Variants in MYT1L observed in about 807,000 individuals in gnomAD.
MYT1L encodes myelin transcription factor 1-like protein.
Under a neutral mutation model 126.7 loss-of-function variants are expected in MYT1L, and 12 were observed. The observed-to-expected ratio is 0.09, with a 90% CI of 0.06 to 0.15. MYT1L has a LOEUF of 0.15. Ranked by LOEUF, MYT1L falls within the 10% of genes least tolerant of loss-of-function variation. The pLI is 1.00. For synonymous variants in MYT1L, 541 were observed against 604.2 expected (o/e 0.90, Z 1.53); for missense variants, 979 against 1,585.2 (o/e 0.62, Z 6.49).
rs186088391 is a variant in MYT1L at position 1,847,388 on chromosome 2, A to G, written c.2774+4253T>C. Among the ~76,000 whole-genome samples, 3 of 152,260 alleles carry G rather than the reference A, an allele frequency of 2.0e-5. No homozygotes were observed. In the East Asian group the frequency reaches 5.8e-4, roughly 29 times the overall value. The stretch of plus-strand genomic sequence containing the variant: ...TTCCTGGAGCATCATCATTTGTGGA[A>G]AATGTGGACTTGACTTCTGCATTGG... On this transcript the variant is annotated intron_variant, in intron 19 of 24. Coordinates refer to ENST00000647738, the MANE Select transcript of MYT1L (RefSeq NM_001303052.2).
At chr2:1,931,897 T>A (rs904040277) in intron 9 of MYT1L, among the ~76,000 whole-genome samples, 9 of 152,250 alleles carry the variant, frequency 5.9e-5, no homozygotes, top group African/African-American at 2.2e-4. Flanking sequence ...CTCACTCCTG[T>A]CCACGCCCTC....
intron 8 of MYT1L, among the ~76,000 whole-genome samples, chr2:1,952,840 A>C (rs552073856): frequency 0.042 from 1,289 of 30,788 alleles, 53 homozygotes; most frequent in African/African-American, 0.045. Context: ...TCCTTCCCTT[A>C]CCTTTGCCTT....
At chr2:1,931,663 C>G (rs1337107778) in intron 9 of MYT1L, among the ~76,000 whole-genome samples, 1 of 152,116 alleles carries the variant, frequency 6.6e-6, no homozygotes, top group Non-Finnish European at 1.5e-5. Context: ...GTGTGTTGTT[C>G]TCTGTATGGT....
At chr2:2,237,196 C>T (rs1002041956) in intron 2 of MYT1L, among the ~76,000 whole-genome samples, 1 of 152,072 alleles carries the variant, frequency 6.6e-6, no homozygotes, top group Non-Finnish European at 1.5e-5. Flanking sequence ...TTTCTGGATC[C>T]CTCTTTGTTC....
chr2:2,027,878 A>T (rs2065815148), intron 4 of MYT1L, among the ~76,000 whole-genome samples: 1 of 152,220 alleles, frequency 6.6e-6, no homozygotes, highest in Non-Finnish European at 1.5e-5. Flanking sequence ...AAAGCTCATT[A>T]TACATGGCAG....
rs929801514 is a variant in MYT1L, at chr2:1,912,245, C to A, written c.1619-135G>T. 1 of 529,218 alleles carries A rather than the reference C, an allele frequency of 1.9e-6. No individual in the cohort carries two copies. The highest frequency in any genetic ancestry group is 3.3e-6 in the Non-Finnish European group (1 of 301,626). 32.8% of individuals were successfully genotyped at this position (529,218 alleles called of 1,614,324 possible). Reference sequence around the variant, plus strand: ...CTACAAACGTTTGTGATGGGCATGGCCAGGAAAACACACATGGGAGGAGAA... The same window carrying A: ...CTACAAACGTTTGTGATGGGCATGGACAGGAAAACACACATGGGAGGAGAA... On this transcript the variant is annotated intron_variant, in intron 11 of 24. Transcript: ENST00000647738. This position sits in a 1 kb window ranked among gnomAD's most constrained non-coding sequence, Gnocchi z 4.3.
At chr2:1,950,571 G>C (rs931898716) in intron 8 of MYT1L, among the ~76,000 whole-genome samples, 1 of 152,070 alleles carries the variant, frequency 6.6e-6, no homozygotes, top group African/African-American at 2.4e-5. Context: ...TGCCAGAGAG[G>C]ACAGAGGAGG....
intron 2 of MYT1L, among the ~76,000 whole-genome samples, chr2:2,269,738 T>C (rs964328524): frequency 1.3e-5 from 2 of 152,148 alleles, no homozygotes; most frequent in Admixed American, 6.6e-5. Flanking sequence ...TTGCTTAACA[T>C]CTTGACCCTT....
chr2:1,822,455 C>T (rs908650840), intron 21 of MYT1L, among the ~76,000 whole-genome samples: 1 of 152,180 alleles, frequency 6.6e-6, no homozygotes, highest in Non-Finnish European at 1.5e-5. Flanking sequence ...TCCTGGAGAG[C>T]GCAGGGTGTG....
chr2:2,320,502 C>T (rs1248843775), intron 1 of MYT1L, among the ~76,000 whole-genome samples: 1 of 150,148 alleles, frequency 6.7e-6, no homozygotes, highest in African/African-American at 2.5e-5. Context: ...AAAAAAAAAG[C>T]CAGCAAAGAA....
chr2:2,188,297 A>G (rs186176511), intron 2 of MYT1L, among the ~76,000 whole-genome samples: 12 of 152,354 alleles, frequency 7.9e-5, no homozygotes, highest in Non-Finnish European at 1.5e-4. Flanking sequence ...AGAATTCTAA[A>G]AACGATTCTG....
intron 18 of MYT1L, 112 bp from the exon 19 acceptor site, chr2:1,851,815 T>A: frequency 9.9e-7 from 1 of 1,012,766 alleles, no homozygotes; most frequent in Non-Finnish European, 1.5e-6. Flanking sequence ...ACTTCCTACT[T>A]GAAAGAGGCT....
chr2:2,045,097 T>A (rs2068016734), intron 4 of MYT1L, among the ~76,000 whole-genome samples: 1 of 152,166 alleles, frequency 6.6e-6, no homozygotes, highest in Non-Finnish European at 1.5e-5. Flanking sequence ...GCCCCCACAC[T>A]GAAGGAATGA....
chr2:2,260,215 T>C (rs959771200), intron 2 of MYT1L, among the ~76,000 whole-genome samples: 5 of 152,228 alleles, frequency 3.3e-5, no homozygotes, highest in African/African-American at 7.2e-5. Flanking sequence ...TGAAAAATTA[T>C]TGGCTAACAC....
At chr2:2,235,429 T>A (rs1162020761) in intron 2 of MYT1L, among the ~76,000 whole-genome samples, 1 of 151,918 alleles carries the variant, frequency 6.6e-6, no homozygotes, top group Non-Finnish European at 1.5e-5. Flanking sequence ...CAGCTTCCCC[T>A]TAGAGGGGTA....
rs377369078 is a variant in MYT1L at position 2,133,078 on chromosome 2, T to TG, written c.-304+39793dup. On this transcript the variant is annotated intron_variant, in intron 3 of 24. Coordinates refer to ENST00000647738, the MANE Select transcript of MYT1L (RefSeq NM_001303052.2). The stretch of plus-strand genomic sequence containing the variant: ...TTCCTCCTGTACACACCGTCTTCTT[T>TG]GGGGGGGACGAAGACACACGTTAAG... 3.9e-3 allele frequency among the ~76,000 whole-genome samples: 601 copies of TG among 152,164 alleles called. 3 individuals are homozygous for TG. Among genetic ancestry groups the TG allele is most frequent in the African/African-American group, 0.014 (581 of 41,520 alleles).
intron 2 of MYT1L, among the ~76,000 whole-genome samples, chr2:2,249,807 T>C (rs2094600826): frequency 6.6e-6 from 1 of 151,992 alleles, no homozygotes; most frequent in East Asian, 1.9e-4. Flanking sequence ...AGAACATATA[T>C]AAAGCTCAAA....
At chr2:2,278,743 T>C (rs183138488) in intron 2 of MYT1L, among the ~76,000 whole-genome samples, 3 of 152,342 alleles carry the variant, frequency 2.0e-5, no homozygotes, top group Admixed American at 2.0e-4. Flanking sequence ...GTAAATTTAA[T>C]GTATAAAGTT....
At chr2:2,055,217 G>A (rs1482570585) in intron 3 of MYT1L, among the ~76,000 whole-genome samples, 1 of 152,150 alleles carries the variant, frequency 6.6e-6, no homozygotes, top group South Asian at 2.1e-4. Context: ...AATTACAGAA[G>A]CATACGGGAT....
Sources: allele counts gnomAD v4.1 joint callset (sites outside exome capture counted in the v4.1 genomes callset), GRCh38; gene constraint gnomAD v4.1.1; non-coding constraint Gnocchi (gnomAD v3.1); transcripts MANE v1.5; gene names NCBI Gene and HGNC (gene_info 2026-07-23, HGNC 2026-07-21).